CFAP61: variants seen among roughly 807,000 people sequenced by gnomAD.
CFAP61 encodes the protein cilia and flagella associated protein 61.
Under a neutral mutation model 135.6 loss-of-function variants are expected in CFAP61, and 107 were observed. That is an observed-to-expected ratio of 0.79 (90% CI 0.67 to 0.93). CFAP61 has a LOEUF of 0.93. Ranked by LOEUF, CFAP61 falls within the 40% of genes least tolerant of loss-of-function variation. CFAP61 has a pLI of 0.00. For synonymous variants in CFAP61, 575 were observed against 578.5 expected, an observed-to-expected ratio of 0.99 and a Z score of 0.09; for missense variants, 1,507 against 1,556.2, an observed-to-expected ratio of 0.97 and a Z score of 0.53.
rs2274672 is a variant in CFAP61, at chr20:20,360,536, T to C, written c.*126T>C. 455,415 of 778,260 alleles carry C rather than the reference T, an allele frequency of 0.59. 136,033 individuals carry two copies. Among genetic ancestry groups the C allele is most frequent in the Non-Finnish European group, 0.62 (300,237 of 482,006 alleles). The allele number at this position is 778,260 out of a possible 1,614,324, so 48.2% of individuals were successfully genotyped here. A position where few individuals can be genotyped will look rare whatever the true frequency, so the allele number is the denominator to read the frequency against. On this transcript the variant is annotated 3_prime_UTR_variant, in exon 27 of 27. Coordinates refer to ENST00000245957, the MANE Select transcript of CFAP61 (RefSeq NM_015585.4). ...AGCCAGCCCCTGGTGGTTTTGTTCA[T>C]TCCTTTCCTTCCCTGACTTATGCCT...
intron 11 of CFAP61, among the ~76,000 whole-genome samples, chr20:20,164,829 C>T (rs11700129): frequency 0.13 from 19,290 of 152,216 alleles, 1,377 homozygotes; most frequent in Non-Finnish European, 0.15. Flanking sequence ...ACTCACAGTT[C>T]CACGTGGCTG....
intron 20 of CFAP61, among the ~76,000 whole-genome samples, chr20:20,258,932 T>G (rs1217034023): frequency 6.6e-6 from 1 of 152,204 alleles, no homozygotes; most frequent in East Asian, 1.9e-4. Flanking sequence ...GGTGATAGAC[T>G]AGGGTCCAAA....
chr20:20,213,931 C>T (rs556944204), intron 17 of CFAP61, among the ~76,000 whole-genome samples: 18 of 151,978 alleles, frequency 1.2e-4, no homozygotes, highest in African/African-American at 2.9e-4. Context: ...ACCCCCTCCC[C>T]GCCCCCTCAT....
rs565705568 is a variant in CFAP61 at position 20,182,007 on chromosome 20, T to C, written c.1386-5923T>C. On this transcript the variant is annotated intron_variant, in intron 13 of 26. Coordinates refer to ENST00000245957, the MANE Select transcript of CFAP61 (RefSeq NM_015585.4). ...TAGGGCCACGTTTAGGTGCATCCAA[T>C]GAGCCACCATCTTCTGAAGTCCTGC... Among the ~76,000 whole-genome samples, 3 of 152,334 alleles carry C rather than the reference T, an allele frequency of 2.0e-5. No individual in the cohort carries two copies. The East Asian group carries it at 5.8e-4, about 29-fold the overall frequency.
intron 20 of CFAP61, chr20:20,258,398 T>C (rs1191174997): frequency 2.0e-5 from 3 of 151,982 alleles, no homozygotes; most frequent in Admixed American, 1.3e-4. Context: ...AAAACAGAAG[T>C]GTACTTGCAA....
intron 25 of CFAP61, among the ~76,000 whole-genome samples, chr20:20,309,835 TA>T (rs10716410): frequency 0.67 from 101,829 of 151,082 alleles, 34,297 homozygotes; most frequent in East Asian, 0.74. Context: ...ATTTTATCTT[TA>T]AAAAAAAAAC....
At chr20:20,061,187 T>C (rs1392627901) in intron 2 of CFAP61, among the ~76,000 whole-genome samples, 1 of 152,036 alleles carries the variant, frequency 6.6e-6, no homozygotes, top group Non-Finnish European at 1.5e-5. Context: ...ACTTCTGATC[T>C]ATAGAGGGAA....
intron 24 of CFAP61, among the ~76,000 whole-genome samples, chr20:20,292,870 ACT>A (rs2055093996): frequency 6.6e-6 from 1 of 151,540 alleles, no homozygotes; most frequent in Non-Finnish European, 1.5e-5. Context: ...CACTTCTCCC[ACT>A]CTCTCTGTTG....
intron 2 of CFAP61, among the ~76,000 whole-genome samples, chr20:20,068,413 G>A (rs991908280): frequency 6.6e-6 from 1 of 152,162 alleles, no homozygotes; most frequent in Non-Finnish European, 1.5e-5. Flanking sequence ...GAGAAGTTGT[G>A]GGGCTGCATC....
Position 20,360,397 on chromosome 20 carries a change from C to T in CFAP61, c.3701C>T (p.Pro1234Leu). 6.2e-7 allele frequency: 1 copy of T among 1,613,816 alleles called. No homozygotes were observed. Among genetic ancestry groups the T allele is most frequent in the Non-Finnish European group, 8.5e-7 (1 of 1,179,974 alleles). The change falls in exon 27 of 27, where the codon CCA becomes CTA. Residue 1234 changes from proline (P) to leucine (L), a missense_variant. Physicochemically the swap from Pro to Leu is moderately conservative, Grantham distance 98. Coordinates refer to ENST00000245957, the MANE Select transcript of CFAP61 (RefSeq NM_015585.4). ...NRYHLPMYAW[P>L]GIV ...TACCACCTGCCCATGTACGCGTGGCCAGGCATCGTTTAGTTGTAGGCAGGG... is the reference window on the plus strand; with the variant it reads ...TACCACCTGCCCATGTACGCGTGGCTAGGCATCGTTTAGTTGTAGGCAGGG...
chr20:20,130,365 C>T (rs2050419093), intron 8 of CFAP61, among the ~76,000 whole-genome samples: 1 of 151,672 alleles, frequency 6.6e-6, no homozygotes, highest in Non-Finnish European at 1.5e-5. Flanking sequence ...TCACATATTG[C>T]CGTCTTATTA....
chr20:20,096,792 A>G (rs1222846056), intron 7 of CFAP61, among the ~76,000 whole-genome samples: 1 of 152,254 alleles, frequency 6.6e-6, no homozygotes, highest in African/African-American at 2.4e-5. Flanking sequence ...TCACGAGTGC[A>G]AACAAGACAA....
intron 13 of CFAP61, among the ~76,000 whole-genome samples, chr20:20,172,873 T>C (rs763494751): frequency 1.3e-5 from 2 of 152,234 alleles, no homozygotes; most frequent in African/African-American, 2.4e-5. Flanking sequence ...TATAATGACA[T>C]GTATCCACTG....
intron 25 of CFAP61, among the ~76,000 whole-genome samples, chr20:20,312,834 T>C (rs1411207946): frequency 6.6e-6 from 1 of 152,168 alleles, no homozygotes; most frequent in Non-Finnish European, 1.5e-5. Flanking sequence ...TTAGAATGCA[T>C]TGATTATATA....
chr20:20,245,765 T>A (rs953920875), intron 18 of CFAP61, among the ~76,000 whole-genome samples: 5 of 152,238 alleles, frequency 3.3e-5, no homozygotes, highest in Non-Finnish European at 7.3e-5. Context: ...CTGCGATTGT[T>A]ATGCTTCCAA....
intron 15 of CFAP61, among the ~76,000 whole-genome samples, chr20:20,196,064 G>C (rs940358153): frequency 1.4e-4 from 22 of 152,244 alleles, no homozygotes; most frequent in African/African-American, 5.3e-4. Flanking sequence ...CTGGGTGACA[G>C]AGTGATACTG....
chr20:20,229,122 G>C (rs1184699499), intron 18 of CFAP61, among the ~76,000 whole-genome samples: 3 of 152,130 alleles, frequency 2.0e-5, no homozygotes, highest in African/African-American at 7.2e-5. Context: ...CACTAAACAA[G>C]GTTTCCTTTC....
chr20:20,052,937 A>G (rs1377072533), intron 1 of CFAP61, among the ~76,000 whole-genome samples: 1 of 152,226 alleles, frequency 6.6e-6, no homozygotes, highest in Admixed American at 6.5e-5. Context: ...AAGGTGCCCA[A>G]ATAATTAACT....
At chr20:20,152,343 C>A (rs1228051686) in intron 9 of CFAP61, among the ~76,000 whole-genome samples, 2 of 150,700 alleles carry the variant, frequency 1.3e-5, no homozygotes, top group Non-Finnish European at 3.0e-5. Flanking sequence ...CAACAACTAG[C>A]ATGTTGAATA....
Sources: allele counts gnomAD v4.1 joint callset (sites outside exome capture counted in the v4.1 genomes callset), GRCh38; gene constraint gnomAD v4.1.1; transcripts MANE v1.5; gene names NCBI Gene and HGNC (gene_info 2026-07-23, HGNC 2026-07-21).